SMC2: variants seen among roughly 807,000 people sequenced by gnomAD.
The protein encoded by SMC2 is structural maintenance of chromosomes protein 2.
In SMC2, 41 loss-of-function variants were observed where a neutral mutation model predicts 142.6. That is an observed-to-expected ratio of 0.29 (90% CI 0.22 to 0.37). The LOEUF is 0.37. Among genes scored for constraint, SMC2 ranks in the 10% least tolerant of loss-of-function variants. The pLI, the probability that SMC2 is intolerant of heterozygous loss-of-function variation, is 1.00. For synonymous variants in SMC2, 463 were observed against 457.5 expected, an observed-to-expected ratio of 1.01 and a Z score of -0.15; for missense variants, 1,265 against 1,373.7, an observed-to-expected ratio of 0.92 and a Z score of 1.25.
At chr9:104,091,373 G>A (rs964978762), upstream of SMC2, among the ~76,000 whole-genome samples, 5 of 147,174 alleles carry the variant, frequency 3.4e-5, no homozygotes, top group East Asian at 2.0e-4. Context: ...GTTGCACTAC[G>A]ATGTTACAAC....
In SMC2 at chr9:104,139,302, A is replaced by T; in HGVS notation, c.3581A>T (p.His1194Leu). 1 of 1,582,948 alleles carries T rather than the reference A, an allele frequency of 6.3e-7. No individual in the cohort carries two copies. Residue 1194 changes from histidine (H) to leucine (L), a missense_variant, in exon 25 of 25, where the codon CAT (histidine) becomes CTT (leucine). Physicochemically the swap from His to Leu is moderately conservative, Grantham distance 99. Transcript: ENST00000374793. ...AAGGCAAAACCACCCAAAGGAGCAC[A>T]TGTGGAAGTTTAAACTACAAAGTTA... ...KSKAKPPKGA[H>L]VEV
At chr9:104,093,502 A>G (rs1236614043), upstream of SMC2, among the ~76,000 whole-genome samples, 1 of 152,226 alleles carries the variant, frequency 6.6e-6, no homozygotes, top group African/African-American at 2.4e-5. Context: ...TAGGGTTGCT[A>G]CGTGGATTTT....
At chr9:104,102,219 T>C in intron 8 of SMC2, 26 bp downstream of exon 8, 1 of 1,334,840 alleles carries the variant, frequency 7.5e-7, no homozygotes, top group Non-Finnish European at 1.0e-6. Context: ...TAAGAATCGA[T>C]AATATACTCT....
intron 23 of SMC2, among the ~76,000 whole-genome samples, chr9:104,137,625 G>A (rs1234806833): frequency 6.6e-6 from 1 of 152,026 alleles, no homozygotes; most frequent in African/African-American, 2.4e-5. Context: ...CTCAGTTACT[G>A]TTACCAAGAT....
intron 23 of SMC2, among the ~76,000 whole-genome samples, chr9:104,135,410 A>G (rs1835422205): frequency 6.6e-6 from 1 of 151,968 alleles, no homozygotes; most frequent in Admixed American, 6.5e-5. Context: ...TGTTCAAGCT[A>G]CATTGAGAAA....
intron 20 of SMC2, among the ~76,000 whole-genome samples, chr9:104,128,453 G>C (rs1300860823): frequency 6.6e-6 from 1 of 152,066 alleles, no homozygotes; most frequent in African/African-American, 2.4e-5. Flanking sequence ...GTAAAAGGAG[G>C]GACTTGCAAG....
intron 19 of SMC2, 114 bp from the exon 20 acceptor site, chr9:104,127,172 C>T (rs1211625703): frequency 4.1e-6 from 3 of 730,524 alleles, no homozygotes; most frequent in South Asian, 4.8e-5. Flanking sequence ...GATCATCTCT[C>T]TGCCTGTAAT....
At chr9:104,114,164 C>T (rs527846576) in intron 12 of SMC2, 83 bp downstream of exon 12, 35 of 776,378 alleles carry the variant, frequency 4.5e-5, no homozygotes, top group African/African-American at 3.3e-4. Flanking sequence ...AAAATTTTGT[C>T]GAAACCAAGA....
intron 18 of SMC2, 94 bp downstream of exon 18, chr9:104,125,199 T>G (rs1442347636): frequency 1.1e-6 from 1 of 887,302 alleles, no homozygotes; most frequent in Non-Finnish European, 1.7e-6. Context: ...TTCATCAGAA[T>G]TGATCTCAGA....
intron 19 of SMC2, among the ~76,000 whole-genome samples, 179 bp from the exon 20 acceptor site, chr9:104,127,107 T>C (rs906379718): frequency 1.2e-4 from 19 of 152,202 alleles, no homozygotes; most frequent in African/African-American, 4.6e-4. Context: ...AGTTTTCTTC[T>C]GTGTATAAAT....
chr9:104,117,411 C>A (rs1039342485), intron 14 of SMC2, among the ~76,000 whole-genome samples: 2 of 152,132 alleles, frequency 1.3e-5, no homozygotes, highest in East Asian at 3.8e-4. Context: ...AAAAGAGATG[C>A]TTAGTTTTTC....
intron 24 of SMC2, among the ~76,000 whole-genome samples, chr9:104,138,423 G>C (rs574159047): frequency 1.5e-3 from 234 of 152,226 alleles, no homozygotes; most frequent in African/African-American, 5.5e-3. Flanking sequence ...ATACAGAATT[G>C]ATTTAGGGTT....
chr9:104,104,808 C>T (rs1831563313), intron 9 of SMC2, among the ~76,000 whole-genome samples: 1 of 152,326 alleles, frequency 6.6e-6, no homozygotes. Context: ...ATATAACACT[C>T]TGACTGACAT....
chr9:104,117,495 G>C (rs1476528731), intron 14 of SMC2, among the ~76,000 whole-genome samples: 1 of 152,048 alleles, frequency 6.6e-6, no homozygotes, highest in Non-Finnish European at 1.5e-5. Context: ...AGAGGACTGG[G>C]GATTTTTTAA....
intron 21 of SMC2, 67 bp downstream of exon 21, chr9:104,129,912 C>T (rs2131528642): frequency 8.8e-7 from 1 of 1,136,432 alleles, no homozygotes; most frequent in Non-Finnish European, 1.3e-6. Flanking sequence ...CTCTGTATGA[C>T]CTCTGATGCA....
chr9:104,111,454 T>G (rs961256032), intron 9 of SMC2, 127 bp from the exon 10 acceptor site: 3 of 595,676 alleles, frequency 5.0e-6, no homozygotes, highest in African/African-American at 3.7e-5. Flanking sequence ...AAAGTTATGA[T>G]GGTTAAATTA....
At chr9:104,108,165 A>G (rs1373102934) in intron 9 of SMC2, among the ~76,000 whole-genome samples, 1 of 152,178 alleles carries the variant, frequency 6.6e-6, no homozygotes. Flanking sequence ...AAACCCTCCC[A>G]TGGTCATCAG....
chr9:104,133,996 A>G (rs984872982), intron 22 of SMC2, among the ~76,000 whole-genome samples: 4 of 151,870 alleles, frequency 2.6e-5, no homozygotes, highest in Non-Finnish European at 5.9e-5. Flanking sequence ...TTGCTTCTCT[A>G]TTTTGTGTTT....
chr9:104,099,027 G>A (rs564055908), intron 4 of SMC2, among the ~76,000 whole-genome samples: 1 of 152,144 alleles, frequency 6.6e-6, no homozygotes, highest in African/African-American at 2.4e-5. Flanking sequence ...TAGTAAAGTC[G>A]ATGGGAGCAT....
Sources: gnomAD v4.1 joint callset for allele counts (sites outside exome capture counted in the v4.1 genomes callset) on GRCh38, gnomAD v4.1.1 for gene constraint, MANE v1.5 for transcripts, NCBI Gene and HGNC (gene_info 2026-07-23, HGNC 2026-07-21) for gene names.